The following HGS variants were observed in gnomAD, a reference collection of about 807,000 sequenced individuals.
HGS encodes the protein hepatocyte growth factor-regulated tyrosine kinase substrate.
A neutral mutation model predicts 109.7 loss-of-function variants in HGS; 63 were observed. The observed-to-expected ratio is 0.57, with a 90% confidence interval of 0.47 to 0.71. The LOEUF is 0.71. Among genes scored for constraint, HGS ranks in the 30% least tolerant of loss-of-function variants. The probability of loss-of-function intolerance (pLI) is 0.00; values close to 1 mark genes in which losing one functional copy is unlikely to be tolerated. For synonymous variants in HGS, 546 were observed against 437.3 expected (o/e 1.25, Z -3.10); for missense variants, 995 against 1,068.3 (o/e 0.93, Z 0.96).
rs1770542441 is a variant in HGS at position 81,694,952 on chromosome 17, G to C, written c.1004G>C (p.Trp335Ser). The change falls in exon 13 of 22, where the codon TGG becomes TCG. Residue 335 changes from tryptophan (W) to serine (S), a missense_variant. Physicochemically the swap from Trp to Ser is radical, Grantham distance 177. Transcript: ENST00000329138. ...GCACGGTATCTCAACCGGAACTACTGGGAGAAGAAGCAGGAGGAGGCTCGC... is the reference window on the plus strand; with the variant it reads ...GCACGGTATCTCAACCGGAACTACTCGGAGAAGAAGCAGGAGGAGGCTCGC... Reference protein sequence around the residue: ...ELARYLNRNYWEKKQEEARKS... With the variant: ...ELARYLNRNYSEKKQEEARKS... The C allele has an allele frequency of 6.2e-7, 1 of 1,614,062 alleles. No individual in the cohort carries two copies. The highest frequency in any genetic ancestry group is 1.3e-5 in the African/African-American group (1 of 74,942).
In HGS at chr17:81,696,714, G is replaced by A. The variant is rs190451033; in HGVS notation, c.1674G>A (p.Ala558=). ...AGAAGCAGACGGTCCAGATGCGCGC[G>A]CAGATGCCCGCCTTCCCCCTGCCCT... ...EQQKQTVQMR[A]QMPAFPLPYA... The change falls in exon 17 of 22, where the codon GCG becomes GCA. Residue 558 remains alanine (A), a synonymous_variant. Transcript: ENST00000329138. The A allele has an allele frequency of 1.7e-4, 278 of 1,608,572 alleles. No individual in the cohort carries two copies. Among genetic ancestry groups the A allele is most frequent in the South Asian group, 1.2e-3 (113 of 90,924 alleles).
Position 81,691,781 on chromosome 17 carries a change from C to T in HGS, c.662+210C>T, listed in dbSNP as rs145535571. 2,709 of 548,706 alleles carry T rather than the reference C, an allele frequency of 4.9e-3. 16 individuals are homozygous for T. The highest frequency in any genetic ancestry group is 7.4e-3 in the Non-Finnish European group (2,321 of 312,526). 34.0% of individuals were successfully genotyped at this position (548,706 alleles called of 1,614,324 possible). A position where few individuals can be genotyped will look rare whatever the true frequency, so the allele number is the denominator to read the frequency against. On this transcript the variant is annotated intron_variant, in intron 8 of 21. Coordinates refer to ENST00000329138, the MANE Select transcript of HGS (RefSeq NM_004712.5). This position sits in a 1 kb window ranked among gnomAD's most constrained non-coding sequence, Gnocchi z 5.3. ...GGTGGGTGTGAGAGACAGGGCGCCGCGGCTCCAGGGACCGAGGCTGCCCCG... is the reference window on the plus strand; with the variant it reads ...GGTGGGTGTGAGAGACAGGGCGCCGTGGCTCCAGGGACCGAGGCTGCCCCG...
In HGS at chr17:81,690,579, C is replaced by T. The variant is rs572560456; in HGVS notation, c.469-95C>T. 4 of 1,266,846 alleles carry T rather than the reference C, an allele frequency of 3.2e-6. No homozygotes were observed. The South Asian group carries it at 4.1e-5, about 13-fold the overall frequency. 78.5% of individuals were successfully genotyped at this position (1,266,846 alleles called of 1,614,324 possible). Reference sequence around the variant, plus strand: ...GCTCTCGCTCGTGCTGGGGTCCTCTCTGGGTCCGTTGCCTTCTGTGGGGCA... The same window carrying T: ...GCTCTCGCTCGTGCTGGGGTCCTCTTTGGGTCCGTTGCCTTCTGTGGGGCA... On this transcript the variant is annotated intron_variant, in intron 6 of 21. Coordinates refer to ENST00000329138, the MANE Select transcript of HGS (RefSeq NM_004712.5).
intron 18 of HGS, among the ~76,000 whole-genome samples, chr17:81,700,238 G>A (rs965141736): frequency 2.7e-5 from 4 of 150,798 alleles, no homozygotes; most frequent in African/African-American, 4.9e-5. Context: ...GCGTAGTGGC[G>A]TACGCCCGTA....
Position 81,688,729 on chromosome 17 carries a change from A to G in HGS, c.317A>G (p.Asn106Ser). Residue 106 changes from asparagine to serine, a missense_variant, in exon 5 of 22, where the codon AAC (asparagine) becomes AGC (serine). Around this residue, in one of 6 missense-constraint regions of HGS, gnomAD observed 182 missense variants for 261.3 expected, o/e 0.70. Coordinates refer to ENST00000329138, the MANE Select transcript of HGS (RefSeq NM_004712.5). ...LKRQVEVNVR[N>S]KILYLIQAWA... ...AGACAAGTGGAGGTAAACGTCCGTA[A>G]CAAGATCCTGTACCTGATCCAGGCC... The G allele has an allele frequency of 6.2e-7, 1 of 1,614,092 alleles. No individual in the cohort carries two copies. The highest frequency in any genetic ancestry group is 8.5e-7 in the Non-Finnish European group (1 of 1,179,992).
intron 1 of HGS, chr17:81,684,422 G>A: frequency 3.4e-6 from 1 of 293,730 alleles, no homozygotes; most frequent in Non-Finnish European, 6.3e-6. Context: ...CGGCCGAGTG[G>A]GCCACAAGGC....
At position 81,690,338 on chromosome 17, in the gene HGS, C is replaced by G; in HGVS notation, c.468+104C>G. 5.8e-6 allele frequency: 7 copies of G among 1,207,174 alleles called. 1 individual carries two copies. In the South Asian group the frequency reaches 9.1e-5, roughly 16 times the overall value. The allele number at this position is 1,207,174 out of a possible 1,614,324, so 74.8% of individuals were successfully genotyped here. The stretch of plus-strand genomic sequence containing the variant: ...GTTTGAGGGTTGGTGGCTGAGCTCT[C>G]GTCTGTCTGGGACCTGAGGATGCCT... On this transcript the variant is annotated intron_variant, in intron 6 of 21. Transcript: ENST00000329138.
Position 81,695,992 on chromosome 17 carries a change from G to T in HGS, c.1386G>T (p.Glu462Asp). ...QLLELLNQLD[E>D]RRLYYEGLQD... ...TGGAGCTGCTCAACCAGCTGGACGAGCGCAGGCGTAGGTGCCCGCGCCACG... is the reference window on the plus strand; with the variant it reads ...TGGAGCTGCTCAACCAGCTGGACGATCGCAGGCGTAGGTGCCCGCGCCACG... Residue 462 changes from glutamate (E) to aspartate (D), a missense_variant, in exon 15 of 22, where the codon GAG becomes GAT. By Grantham distance (45) the Glu-to-Asp change is conservative. This residue lies in a region of HGS where 163 missense variants were observed against 217.8 expected (regional missense o/e 0.75). Coordinates refer to ENST00000329138, the MANE Select transcript of HGS (RefSeq NM_004712.5). The T allele has an allele frequency of 6.4e-7, 1 of 1,555,312 alleles. No individual in the cohort carries two copies. The highest frequency in any genetic ancestry group is 8.7e-7 in the Non-Finnish European group (1 of 1,147,532).
chr17:81,694,644 G>A (rs1288769785), intron 11 of HGS, among the ~76,000 whole-genome samples, 171 bp from the exon 12 acceptor site: 2 of 152,200 alleles, frequency 1.3e-5, no homozygotes, highest in African/African-American at 2.4e-5. Context: ...CTAAGCATCT[G>A]GAAGAGGAGA....
rs1327094158 is a variant in HGS, at chr17:81,695,932, C to T, written c.1326C>T (p.Leu442=). 3.1e-6 allele frequency: 5 copies of T among 1,596,426 alleles called. No individual in the cohort carries two copies. The highest frequency in any genetic ancestry group is 2.2e-5 in the East Asian group (1 of 44,586). The change falls in exon 15 of 22, where the codon CTC becomes CTT. Residue 442 remains leucine, a synonymous_variant. Coordinates refer to ENST00000329138, the MANE Select transcript of HGS (RefSeq NM_004712.5). The stretch of plus-strand genomic sequence containing the variant: ...CCAATGACTCGGCCGTGCTCTCACT[C>T]TTCCAGTCCATCAACGGCATGCACC... ...SITNDSAVLS[L]FQSINGMHPQ...
intron 14 of HGS, among the ~76,000 whole-genome samples, chr17:81,695,463 T>G (rs1394674728): frequency 6.6e-6 from 1 of 152,164 alleles, no homozygotes; most frequent in African/African-American, 2.4e-5. Context: ...GACCTGAATA[T>G]TCCAGAGCAG....
In HGS at chr17:81,691,625, G is replaced by A. The variant is rs1568214759; in HGVS notation, c.662+54G>A. On this transcript the variant is annotated intron_variant, in intron 8 of 21. Transcript: ENST00000329138. The surrounding 1 kb of genome is among the most constrained non-coding windows in gnomAD (Gnocchi z 5.3). Reference sequence around the variant, plus strand: ...AGGTGGGGCAGGCTCTCCAGGCTGGGTTTTCTGTCCCTCTTGGCCATGGTG... The same window carrying A: ...AGGTGGGGCAGGCTCTCCAGGCTGGATTTTCTGTCCCTCTTGGCCATGGTG... 3 of 1,610,082 alleles carry A rather than the reference G, an allele frequency of 1.9e-6. No homozygotes were observed. Among genetic ancestry groups the A allele is most frequent in the Non-Finnish European group, 2.5e-6 (3 of 1,178,028 alleles).
chr17:81,701,612 C>T lies in HGS; in HGVS notation c.2328C>T (p.Phe776=), dbSNP rs1173842263. Reference sequence around the variant, plus strand: ...GCAGCGAGGCCCAGCTCATTTCATTCGACTGACCCAGGCCATGCTCACGTC... The same window carrying T: ...GCAGCGAGGCCCAGCTCATTTCATTTGACTGACCCAGGCCATGCTCACGTC... The part of the protein sequence containing the change: ...AQGSEAQLIS[F]D Residue 776 remains phenylalanine (F), a synonymous_variant, in exon 22 of 22, where the codon TTC becomes TTT. Transcript: ENST00000329138. 16 of 1,564,200 alleles carry T rather than the reference C, an allele frequency of 1.0e-5. No individual in the cohort carries two copies. Among genetic ancestry groups the T allele is most frequent in the South Asian group, 3.5e-5 (3 of 86,276 alleles).
At position 81,701,693 on chromosome 17, in the gene HGS, C is replaced by T. The variant is rs566935144; in HGVS notation, c.*75C>T. The T allele has an allele frequency of 1.5e-5, 23 of 1,498,086 alleles. No homozygotes were observed. In the South Asian group the frequency reaches 2.4e-4, roughly 15 times the overall value. The allele number at this position is 1,498,086 out of a possible 1,614,324, so 92.8% of individuals were successfully genotyped here. On this transcript the variant is annotated 3_prime_UTR_variant, in exon 22 of 22. Coordinates refer to ENST00000329138, the MANE Select transcript of HGS (RefSeq NM_004712.5). Reference sequence around the variant, plus strand: ...ACGCCTCGTCTCTAACTGCCGTCGTCCTGCCTCCCTGTCCTCTACTGCCGG... The same window carrying T: ...ACGCCTCGTCTCTAACTGCCGTCGTTCTGCCTCCCTGTCCTCTACTGCCGG...
At chr17:81,690,473 T>C in intron 6 of HGS, 1 of 628,232 alleles carries the variant, frequency 1.6e-6, no homozygotes, top group South Asian at 2.0e-5. Context: ...CAAGCACCTT[T>C]GATGAGGAAG....
In HGS at chr17:81,696,763, C is replaced by A. The variant is rs1361022711; in HGVS notation, c.1707+16C>A. ...CTACGCCCAGGCATGTGCCATCCTC[C>A]CGCCACCCAGAGGCTTGTGGGCTGA... On this transcript the variant is annotated intron_variant, in intron 17 of 21. Coordinates refer to ENST00000329138, the MANE Select transcript of HGS (RefSeq NM_004712.5). 1 of 1,603,242 alleles carries A rather than the reference C, an allele frequency of 6.2e-7. No homozygotes were observed. Among genetic ancestry groups the A allele is most frequent in the East Asian group, 2.2e-5 (1 of 44,614 alleles).
chr17:81,697,062 C>A, intron 18 of HGS, 64 bp downstream of exon 18: 1 of 1,466,308 alleles, frequency 6.8e-7, no homozygotes, highest in Non-Finnish European at 9.1e-7. Flanking sequence ...GCCGAATTTA[C>A]AGAAAAGCAG....
intron 7 of HGS, 174 bp downstream of exon 7, chr17:81,690,916 A>G: frequency 1.7e-6 from 1 of 573,284 alleles, no homozygotes; most frequent in Non-Finnish European, 3.1e-6. Context: ...GGGCCCACGT[A>G]AGGGCCTGAT....
chr17:81,696,209 C>A, intron 15 of HGS, 148 bp from the exon 16 acceptor site: 1 of 1,046,760 alleles, frequency 9.6e-7, no homozygotes, highest in Non-Finnish European at 1.3e-6. Flanking sequence ...TGCCCAGGAC[C>A]CTCTGCCTGC....
Sources: gnomAD v4.1 joint callset for allele counts (sites outside exome capture counted in the v4.1 genomes callset) on GRCh38, gnomAD v4.1.1 for gene constraint, gnomAD v4.1.1 regional missense constraint, Gnocchi (gnomAD v3.1) non-coding constraint, MANE v1.5 for transcripts, NCBI Gene and HGNC (gene_info 2026-07-23, HGNC 2026-07-21) for gene names.